NPAS1: variants seen among roughly 807,000 people sequenced by gnomAD.
NPAS1 encodes the protein neuronal PAS domain protein 1.
In NPAS1, 29 loss-of-function variants were observed where a neutral mutation model predicts 49.2. The observed-to-expected ratio is 0.59, with a 90% CI of 0.44 to 0.80. NPAS1 has a LOEUF of 0.80. NPAS1 is among the 30% of genes least tolerant of loss of function. The probability of loss-of-function intolerance (pLI) is 0.00; values close to 1 mark genes in which losing one functional copy is unlikely to be tolerated. For missense variants in NPAS1, 825 were observed against 835.5 expected (o/e 0.99, Z 0.15); for synonymous variants, 408 against 380.4 (o/e 1.07, Z -0.84).
intron 5 of NPAS1, 164 bp from the exon 6 acceptor site, chr19:47,035,800 G>C (rs1177054485): frequency 4.4e-6 from 3 of 675,856 alleles, no homozygotes; most frequent in Non-Finnish European, 7.2e-6. Context: ...TGTATCTTCC[G>C]TTTGAAAGGT....
Position 47,043,278 on chromosome 19 carries a change from C to CAAAAA in NPAS1, c.1312+389_1312+393dup, listed in dbSNP as rs1170715547. ...CTAGCGACAGAGCGAGACTCTGTCT[C>CAAAAA]AAAAAAAAAAAAAAAAAAATTTAAA... is the stretch of plus-strand genomic sequence containing the variant. On this transcript the variant is annotated intron_variant, in intron 11 of 11. Transcript: ENST00000602212. Among the ~76,000 whole-genome samples the CAAAAA allele has an allele frequency of 1.2e-4, 7 of 58,596 alleles. 2 individuals are homozygous for CAAAAA. Among genetic ancestry groups the CAAAAA allele is most frequent in the South Asian group, 6.4e-4 (1 of 1,570 alleles). 38.4% of individuals were successfully genotyped at this position (58,596 alleles called of 152,430 possible).
intron 3 of NPAS1, among the ~76,000 whole-genome samples, chr19:47,023,400 C>T (rs921249646): frequency 6.6e-6 from 1 of 152,104 alleles, no homozygotes; most frequent in African/African-American, 2.4e-5. Context: ...TGGACTTAAT[C>T]GATCCCACCT....
At chr19:47,032,404 C>A (rs2056912764) in intron 4 of NPAS1, 53 bp downstream of exon 4, 2 of 1,577,712 alleles carry the variant, frequency 1.3e-6, no homozygotes, top group Non-Finnish European at 1.7e-6. Context: ...CTAGCGGCCG[C>A]CTCTGGAGAA....
At chr19:47,040,115 C>T (rs987662025) in intron 8 of NPAS1, among the ~76,000 whole-genome samples, 5 of 152,098 alleles carry the variant, frequency 3.3e-5, no homozygotes, top group South Asian at 2.1e-4. Context: ...CTCCACCTCC[C>T]GGGTTCAAGT....
intron 11 of NPAS1, among the ~76,000 whole-genome samples, chr19:47,043,310 C>T (rs1225318071): frequency 9.7e-6 from 1 of 103,030 alleles, no homozygotes; most frequent in African/African-American, 3.8e-5. Flanking sequence ...TAAATCCAGG[C>T]CAGGAGTGGT....
At chr19:47,031,197 T>G (rs7408733) in intron 3 of NPAS1, among the ~76,000 whole-genome samples, 3,867 of 64,020 alleles carry the variant, frequency 0.06, 121 homozygotes, top group African/African-American at 0.12. Flanking sequence ...GTGTGTGTTT[T>G]TTTTTTTTTT....
chr19:47,020,701 G>A (rs1016396423), intron 1 of NPAS1, among the ~76,000 whole-genome samples: 1 of 151,256 alleles, frequency 6.6e-6, no homozygotes, highest in African/African-American at 2.4e-5. Context: ...GCGCGGGCCG[G>A]TTCGATCCGT....
chr19:47,027,639 CCCGT>C (rs1424484999), intron 3 of NPAS1, among the ~76,000 whole-genome samples: 9 of 62,322 alleles, frequency 1.4e-4, no homozygotes, highest in African/African-American at 5.3e-4. Flanking sequence ...CCCCTGGTCT[CCCGT>C]CTGTCTGCCC....
Position 47,045,438 on chromosome 19 carries a change from G to T in NPAS1, c.1560G>T (p.Pro520=). ...GCCTGGCGCCTCCCGGGGACCCCCC[G>T]CCCACCCTCCTGCACGCGGGCTTCC... ...PWGLAPPGDP[P]PTLLHAGFLP... Residue 520 remains proline (P), a synonymous_variant, in exon 12 of 12, where the codon CCG becomes CCT. Coordinates refer to ENST00000602212, the MANE Select transcript of NPAS1 (RefSeq NM_002517.4). 6.2e-7 allele frequency: 1 copy of T among 1,602,362 alleles called. No homozygotes were observed. The highest frequency in any genetic ancestry group is 1.1e-5 in the South Asian group (1 of 90,038).
At chr19:47,044,558 G>T (rs2057054998) in intron 11 of NPAS1, among the ~76,000 whole-genome samples, 1 of 152,176 alleles carries the variant, frequency 6.6e-6, no homozygotes, top group African/African-American at 2.4e-5. Context: ...CTAGACCAGG[G>T]TATCTTGATC....
At chr19:47,032,604 G>A (rs775133221) in intron 4 of NPAS1, 39 bp from the exon 5 acceptor site, 3 of 1,567,286 alleles carry the variant, frequency 1.9e-6, no homozygotes, top group African/African-American at 2.7e-5. Context: ...AGGGACACCG[G>A]GTCCTCTCCT....
intron 5 of NPAS1, among the ~76,000 whole-genome samples, chr19:47,033,615 C>T (rs1033133028): frequency 3.9e-5 from 6 of 152,026 alleles, no homozygotes; most frequent in South Asian, 2.1e-4. Flanking sequence ...CAATGACTGG[C>T]GGGCCAGATG....
rs1264941714 is a variant in NPAS1, at chr19:47,032,676, G to C, written c.466G>C (p.Glu156Gln). 1 of 1,614,156 alleles carries C rather than the reference G, an allele frequency of 6.2e-7. No individual in the cohort carries two copies. Among genetic ancestry groups the C allele is most frequent in the South Asian group, 1.1e-5 (1 of 91,082 alleles). Residue 156 changes from glutamate (E) to glutamine (Q), a missense_variant, in exon 5 of 12, where the codon GAA (glutamate) becomes CAA (glutamine). Transcript: ENST00000602212. ...LDGFVFALNQ[E>Q]GKFLYISETV... ...TGGCTTTGTGTTCGCCTTGAACCAG[G>C]AAGGAAAATTCCTCTACATCTCAGA...
chr19:47,028,343 A>C (rs1159821267), intron 3 of NPAS1, among the ~76,000 whole-genome samples: 1 of 151,958 alleles, frequency 6.6e-6, no homozygotes, highest in African/African-American at 2.4e-5. Flanking sequence ...AGGTGGAGGC[A>C]GGGAGGAACA....
At chr19:47,023,311 C>T (rs561706758) in intron 3 of NPAS1, among the ~76,000 whole-genome samples, 2 of 152,300 alleles carry the variant, frequency 1.3e-5, no homozygotes, top group Admixed American at 6.5e-5. Context: ...GCGTCCAGCC[C>T]CCCATTACCT....
rs765109192 is a variant in NPAS1 at position 47,040,531 on chromosome 19, C to T, written c.1050C>T (p.Ile350=). ...QFVHGQDATR[I]RQSHVDLLDK... is the part of the protein sequence containing the mutation. ...TCCACGGACAGGACGCCACGAGGAT[C>T]CGCCAGAGCCACGTGGACTGTGAGA... Residue 350 remains isoleucine, a synonymous_variant, in exon 9 of 12, where the codon ATC becomes ATT. Coordinates refer to ENST00000602212, the MANE Select transcript of NPAS1 (RefSeq NM_002517.4). 3 of 1,591,870 alleles carry T rather than the reference C, an allele frequency of 1.9e-6. No homozygotes were observed. The highest frequency in any genetic ancestry group is 2.6e-6 in the Non-Finnish European group (3 of 1,169,710).
At chr19:47,027,704 C>T (rs1445362812) in intron 3 of NPAS1, among the ~76,000 whole-genome samples, 12 of 19,462 alleles carry the variant, frequency 6.2e-4, no homozygotes, top group Non-Finnish European at 1.0e-3. Context: ...GCCCCTGGTC[C>T]CCTTCTCTCT....
chr19:47,045,444 C>T lies in NPAS1; in HGVS notation c.1566C>T (p.Thr522=). 1.3e-6 allele frequency: 2 copies of T among 1,599,884 alleles called. No homozygotes were observed. Residue 522 remains threonine, a synonymous_variant, in exon 12 of 12, where the codon ACC becomes ACT. Coordinates refer to ENST00000602212, the MANE Select transcript of NPAS1 (RefSeq NM_002517.4). ...GLAPPGDPPP[T]LLHAGFLPPV... The stretch of plus-strand genomic sequence containing the variant: ...CGCCTCCCGGGGACCCCCCGCCCAC[C>T]CTCCTGCACGCGGGCTTCCTGCCGC...
At chr19:47,044,155 C>T (rs969437732) in intron 11 of NPAS1, among the ~76,000 whole-genome samples, 6 of 152,184 alleles carry the variant, frequency 3.9e-5, no homozygotes, top group African/African-American at 1.4e-4. Flanking sequence ...CTCACTGCAA[C>T]CTCCGCCTCC....
Sources: gnomAD v4.1 joint callset for allele counts (sites outside exome capture counted in the v4.1 genomes callset) on GRCh38, gnomAD v4.1.1 for gene constraint, MANE v1.5 for transcripts, NCBI Gene and HGNC (gene_info 2026-07-23, HGNC 2026-07-21) for gene names.